UBXN10: variants seen among roughly 807,000 people sequenced by gnomAD.
The protein encoded by UBXN10 is UBX domain protein 10, also known as UBX domain-containing protein 10.
Under a neutral mutation model 6.9 loss-of-function variants are expected in UBXN10, and 6 were observed. The observed-to-expected ratio is 0.87, with a 90% CI of 0.48 to 1.72. The LOEUF (loss-of-function observed/expected upper bound fraction) is 1.72, where lower values mean the gene tolerates loss of function less well. UBXN10 is among the 40% of genes most tolerant of loss of function. The pLI, the probability that UBXN10 is intolerant of heterozygous loss-of-function variation, is 0.01. For synonymous variants in UBXN10, 131 were observed against 135.2 expected, an observed-to-expected ratio of 0.97 and a Z score of 0.21; for missense variants, 317 against 348.4, an observed-to-expected ratio of 0.91 and a Z score of 0.72.
intron 1 of UBXN10, among the ~76,000 whole-genome samples, chr1:20,189,880 T>G (rs926940999): frequency 4.6e-5 from 7 of 152,234 alleles, no homozygotes; most frequent in African/African-American, 1.7e-4. Context: ...TCTCCAGCTC[T>G]GCCACCAGCT....
chr1:20,189,878 T>C (rs114703567), intron 1 of UBXN10, among the ~76,000 whole-genome samples: 231 of 152,362 alleles, frequency 1.5e-3, no homozygotes, highest in Non-Finnish European at 2.5e-3. Flanking sequence ...TATCTCCAGC[T>C]CTGCCACCAG....
rs540697025 is a variant in UBXN10 at position 20,191,530 on chromosome 1, T to C, written c.*126T>C. On this transcript the variant is annotated 3_prime_UTR_variant, in exon 2 of 2. Coordinates refer to ENST00000375099, the MANE Select transcript of UBXN10 (RefSeq NM_152376.5). The surrounding 1 kb of genome is among the most constrained non-coding windows in gnomAD (Gnocchi z 4.5). ...GGTGCAGCTGGGAAGCTTGGGACTCTCGTCTGCACTGCGTGTCCTCTGAAG... is the reference window on the plus strand; with the variant it reads ...GGTGCAGCTGGGAAGCTTGGGACTCCCGTCTGCACTGCGTGTCCTCTGAAG... 221 of 1,416,886 alleles carry C rather than the reference T, an allele frequency of 1.6e-4. No homozygotes were observed. The South Asian group carries it at 2.7e-3, about 18-fold the overall frequency. 87.8% of individuals were successfully genotyped at this position (1,416,886 alleles called of 1,614,324 possible).
chr1:20,193,499 A>G lies in UBXN10; in HGVS notation c.*2095A>G, dbSNP rs1004550567. ...ACAAAAGATGATACGATAAAAACCA[A>G]CTTGTGTGAAACTGAGTCAGTGGAG... On this transcript the variant is annotated 3_prime_UTR_variant, in exon 2 of 2. Coordinates refer to ENST00000375099, the MANE Select transcript of UBXN10 (RefSeq NM_152376.5). The G allele has an allele frequency of 6.0e-6, 1 of 167,042 alleles. No homozygotes were observed. The highest frequency in any genetic ancestry group is 2.4e-5 in the African/African-American group (1 of 41,428). The allele number at this position is 167,042 out of a possible 1,614,324, so 10.3% of individuals were successfully genotyped here.
At position 20,195,916 on chromosome 1, in the gene UBXN10, C is replaced by T. The variant is rs1483818304; in HGVS notation, c.*4512C>T. ...CTGTTTATCTCTATCTCCTGTCCTT[C>T]ATCCCTCCCTTTCTTGCCACCCTTC... is the stretch of plus-strand genomic sequence containing the variant. On this transcript the variant is annotated 3_prime_UTR_variant, in exon 2 of 2. Coordinates refer to ENST00000375099, the MANE Select transcript of UBXN10 (RefSeq NM_152376.5). 6.0e-6 allele frequency: 1 copy of T among 167,128 alleles called. No individual in the cohort carries two copies. Among genetic ancestry groups the T allele is most frequent in the Non-Finnish European group, 1.5e-5 (1 of 68,126 alleles). 10.4% of individuals were successfully genotyped at this position (167,128 alleles called of 1,614,324 possible).
Position 20,191,532 on chromosome 1 carries a change from G to T in UBXN10, c.*128G>T. ...TGCAGCTGGGAAGCTTGGGACTCTC[G>T]TCTGCACTGCGTGTCCTCTGAAGCA... On this transcript the variant is annotated 3_prime_UTR_variant, in exon 2 of 2. Transcript: ENST00000375099. The surrounding 1 kb of genome is among the most constrained non-coding windows in gnomAD (Gnocchi z 4.5). 1 of 1,411,758 alleles carries T rather than the reference G, an allele frequency of 7.1e-7. No individual in the cohort carries two copies. Among genetic ancestry groups the T allele is most frequent in the Non-Finnish European group, 9.6e-7 (1 of 1,046,706 alleles). The allele number at this position is 1,411,758 out of a possible 1,614,324, so 87.5% of individuals were successfully genotyped here.
chr1:20,191,304 G>A lies in UBXN10; in HGVS notation c.743G>A (p.Arg248Lys), dbSNP rs1002250418. 8.7e-6 allele frequency: 14 copies of A among 1,614,084 alleles called. No homozygotes were observed. The Admixed American group carries it at 1.3e-4, about 15-fold the overall frequency. The change falls in exon 2 of 2, where the codon AGG (arginine) becomes AAG (lysine). Residue 248 changes from arginine (R) to lysine (K), a missense_variant. Coordinates refer to ENST00000375099, the MANE Select transcript of UBXN10 (RefSeq NM_152376.5). The surrounding 1 kb of genome is among the most constrained non-coding windows in gnomAD (Gnocchi z 4.5). Reference sequence around the variant, plus strand: ...AGCATTGAAACAATGGAGGTGCCCAGGAGGCGATTTTCTGACCTCACCAAA... The same window carrying A: ...AGCATTGAAACAATGGAGGTGCCCAAGAGGCGATTTTCTGACCTCACCAAA... The part of the protein sequence containing the change: ...HCSIETMEVP[R>K]RRFSDLTKSL...
At chr1:20,189,374 A>T (rs1363726394) in intron 1 of UBXN10, among the ~76,000 whole-genome samples, 1 of 152,016 alleles carries the variant, frequency 6.6e-6, no homozygotes, top group East Asian at 1.9e-4. Context: ...GGAACTGGAG[A>T]TTGGGAGGAG....
Position 20,190,655 on chromosome 1 carries a change from C to T in UBXN10, c.94C>T (p.Leu32=). The part of the protein sequence containing the change: ...VDSLIWQPNS[L]NMHMIRPKSA... ...CAGCCTCATTTGGCAGCCAAACTCA[C>T]TAAATATGCACATGATAAGGCCCAA... The change falls in exon 2 of 2, where the codon CTA becomes TTA. Residue 32 remains leucine, a synonymous_variant. Transcript: ENST00000375099. The T allele has an allele frequency of 6.2e-7, 1 of 1,614,148 alleles. No individual in the cohort carries two copies. Among genetic ancestry groups the T allele is most frequent in the Non-Finnish European group, 8.5e-7 (1 of 1,180,032 alleles).
chr1:20,190,271 G>A (rs1030819723), intron 1 of UBXN10, among the ~76,000 whole-genome samples: 1 of 152,018 alleles, frequency 6.6e-6, no homozygotes, highest in Middle Eastern at 3.4e-3. Flanking sequence ...TCTTCATAGC[G>A]GTTGTTACTC....
chr1:20,193,743 C>A lies in UBXN10; in HGVS notation c.*2339C>A, dbSNP rs541922886. The A allele has an allele frequency of 3.0e-4, 50 of 167,158 alleles. No homozygotes were observed. The highest frequency in any genetic ancestry group is 1.1e-3 in the African/African-American group (47 of 41,550). 10.4% of individuals were successfully genotyped at this position (167,158 alleles called of 1,614,324 possible). On this transcript the variant is annotated 3_prime_UTR_variant, in exon 2 of 2. Transcript: ENST00000375099. ...ACTTAGCTTGTCTGGATAAGAGTCA[C>A]CTGAATTTTTCCTAAACATCATTCC... is the stretch of plus-strand genomic sequence containing the variant.
upstream of UBXN10, chr1:20,184,281 T>C (rs995755121): frequency 4.6e-5 from 7 of 152,276 alleles, no homozygotes; most frequent in Non-Finnish European, 1.0e-4. Context: ...TAGGTGATTT[T>C]AAAATAGCTG....
intron 1 of UBXN10, 107 bp from the exon 2 acceptor site, chr1:20,190,440 T>G: frequency 7.1e-7 from 1 of 1,417,610 alleles, no homozygotes; most frequent in Non-Finnish European, 9.4e-7. Context: ...CCTTACTAGA[T>G]GCCAGAAATT....
At position 20,193,704 on chromosome 1, in the gene UBXN10, G is replaced by C. The variant is rs1323228567; in HGVS notation, c.*2300G>C. The C allele has an allele frequency of 2.4e-5, 4 of 167,066 alleles. No individual in the cohort carries two copies. The highest frequency in any genetic ancestry group is 5.9e-5 in the Non-Finnish European group (4 of 68,124). 10.3% of individuals were successfully genotyped at this position (167,066 alleles called of 1,614,324 possible). On this transcript the variant is annotated 3_prime_UTR_variant, in exon 2 of 2. Transcript: ENST00000375099. ...AGAAGCGACGGGGCTCCTGCTCTCAGCTTCTGTCACAGCACTTAGCTTGTC... is the reference window on the plus strand; with the variant it reads ...AGAAGCGACGGGGCTCCTGCTCTCACCTTCTGTCACAGCACTTAGCTTGTC...
chr1:20,183,944 C>T (rs577693400), upstream of UBXN10, among the ~76,000 whole-genome samples: 2 of 152,292 alleles, frequency 1.3e-5, no homozygotes, highest in African/African-American at 2.4e-5. Context: ...GGGTATGTGC[C>T]AGACACCAGG....
At chr1:20,184,125 G>GTT (rs2018321459), upstream of UBXN10, 1 of 152,194 alleles carries the variant, frequency 6.6e-6, no homozygotes, top group African/African-American at 2.4e-5. Flanking sequence ...GACGTTAACT[G>GTT]CATGTACTGC....
chr1:20,191,407 C>A lies in UBXN10; in HGVS notation c.*3C>A. ...AAGATGGGGAAGGGTGGCCCTGAGT[C>A]CACAGCCACCCAGCTGAGGTCCTGG... On this transcript the variant is annotated 3_prime_UTR_variant, in exon 2 of 2. Coordinates refer to ENST00000375099, the MANE Select transcript of UBXN10 (RefSeq NM_152376.5). The surrounding 1 kb of genome is among the most constrained non-coding windows in gnomAD (Gnocchi z 4.5). 1 of 1,604,398 alleles carries A rather than the reference C, an allele frequency of 6.2e-7. No homozygotes were observed. The highest frequency in any genetic ancestry group is 1.1e-5 in the South Asian group (1 of 90,170).
Position 20,191,524 on chromosome 1 carries a change from G to A in UBXN10, c.*120G>A. 1 of 1,474,456 alleles carries A rather than the reference G, an allele frequency of 6.8e-7. No individual in the cohort carries two copies. The highest frequency in any genetic ancestry group is 9.1e-7 in the Non-Finnish European group (1 of 1,100,102). The allele number at this position is 1,474,456 out of a possible 1,614,324, so 91.3% of individuals were successfully genotyped here. A position where few individuals can be genotyped will look rare whatever the true frequency, so the allele number is the denominator to read the frequency against. On this transcript the variant is annotated 3_prime_UTR_variant, in exon 2 of 2. Transcript: ENST00000375099. The surrounding 1 kb of genome is among the most constrained non-coding windows in gnomAD (Gnocchi z 4.5). ...GGACCTGGTGCAGCTGGGAAGCTTG[G>A]GACTCTCGTCTGCACTGCGTGTCCT...
At chr1:20,185,432 A>G (rs1264517088), upstream of UBXN10, among the ~76,000 whole-genome samples, 2 of 152,230 alleles carry the variant, frequency 1.3e-5, no homozygotes, top group African/African-American at 4.8e-5. Context: ...GAAAGCGGAG[A>G]CAGCAATGGA....
At chr1:20,183,913 A>G (rs1034572944), upstream of UBXN10, among the ~76,000 whole-genome samples, 25 of 152,326 alleles carry the variant, frequency 1.6e-4, no homozygotes, top group Admixed American at 1.5e-3. Flanking sequence ...ACCTCTGCCC[A>G]TGTTTACTGA....
Sources: gnomAD v4.1 joint callset for allele counts (sites outside exome capture counted in the v4.1 genomes callset) on GRCh38, gnomAD v4.1.1 for gene constraint, Gnocchi (gnomAD v3.1) non-coding constraint, MANE v1.5 for transcripts, NCBI Gene and HGNC (gene_info 2026-07-23, HGNC 2026-07-21) for gene names.